The following RNF145 variants were observed in gnomAD, a reference collection of about 807,000 sequenced individuals.
RNF145 encodes ring finger protein 145.
Under a neutral mutation model 57.3 loss-of-function variants are expected in RNF145, and 12 were observed. The ratio of observed to expected loss-of-function variants is 0.21; its 90% CI spans 0.13 to 0.34. The LOEUF (loss-of-function observed/expected upper bound fraction) is 0.34, where lower values mean the gene tolerates loss of function less well. Among genes scored for constraint, RNF145 ranks in the 10% least tolerant of loss-of-function variants. The pLI is 1.00. For synonymous variants in RNF145, 262 were observed against 288.3 expected, an observed-to-expected ratio of 0.91 and a Z score of 0.92; for missense variants, 429 against 799.0, an observed-to-expected ratio of 0.54 and a Z score of 5.58.
At chr5:159,202,013 T>C (rs1785686655) in intron 2 of RNF145, among the ~76,000 whole-genome samples, 1 of 152,222 alleles carries the variant, frequency 6.6e-6, no homozygotes, top group Admixed American at 6.5e-5. Context: ...TTGTTCAAGC[T>C]GAAAATATCT....
At chr5:159,163,853 T>C (rs1784311681) in intron 8 of RNF145, among the ~76,000 whole-genome samples, 1 of 152,220 alleles carries the variant, frequency 6.6e-6, no homozygotes, top group Admixed American at 6.5e-5. Flanking sequence ...ACAAGCACTC[T>C]TACGTCCCAC....
At position 159,203,453 on chromosome 5, in the gene RNF145, A is replaced by T. The variant is rs778982342; in HGVS notation, c.165T>A (p.Ala55=). 3.1e-6 allele frequency: 5 copies of T among 1,612,662 alleles called. No homozygotes were observed. Among genetic ancestry groups the T allele is most frequent in the Non-Finnish European group, 4.2e-6 (5 of 1,178,674 alleles). ...ACTCACCTACATAATGCATATTAAG[A>T]GCCAAATACTTATACTGGAAAAGAG... The part of the protein sequence containing the change: ...NNPLFQYKYL[A]LNMHYVGYIL... The change falls in exon 2 of 11, where the codon GCT becomes GCA. Residue 55 remains alanine (A), a synonymous_variant. Transcript: ENST00000424310.
At chr5:159,172,966 T>C (rs552631005) in intron 6 of RNF145, among the ~76,000 whole-genome samples, 33 of 152,168 alleles carry the variant, frequency 2.2e-4, no homozygotes, top group Non-Finnish European at 4.3e-4. Flanking sequence ...TGTATATTCA[T>C]GTACTAGATT....
intron 3 of RNF145, among the ~76,000 whole-genome samples, chr5:159,191,736 G>A (rs984023257): frequency 1.1e-4 from 17 of 152,032 alleles, no homozygotes; most frequent in Admixed American, 1.0e-3. Flanking sequence ...AGGTTGCAGT[G>A]AGCCGAGATA....
chr5:159,172,091 C>A (rs1784578463), intron 6 of RNF145, among the ~76,000 whole-genome samples: 1 of 152,190 alleles, frequency 6.6e-6, no homozygotes, highest in Non-Finnish European at 1.5e-5. Flanking sequence ...CAGCGGGTAA[C>A]AATCTGGTTT....
intron 8 of RNF145, among the ~76,000 whole-genome samples, chr5:159,168,166 C>T (rs1784445457): frequency 6.6e-6 from 1 of 152,096 alleles, no homozygotes; most frequent in Admixed American, 6.5e-5. Flanking sequence ...TTTCTGGATA[C>T]CTCAATTATC....
At chr5:159,207,821 G>A (rs1785951458) in intron 1 of RNF145, 1 of 1,614,104 alleles carries the variant, frequency 6.2e-7, no homozygotes, top group South Asian at 1.1e-5. Flanking sequence ...CAAAGACAGG[G>A]AGTCTACTCT....
chr5:159,196,501 C>T (rs1208087450), intron 2 of RNF145, among the ~76,000 whole-genome samples: 6 of 152,152 alleles, frequency 3.9e-5, no homozygotes, highest in Non-Finnish European at 7.4e-5. Context: ...ACTTAATTTA[C>T]AAATCTTTAT....
In RNF145 at chr5:159,201,517, G is replaced by A. The variant is rs764640855; in HGVS notation, c.184+1917C>T. 3.3e-5 allele frequency among the ~76,000 whole-genome samples: 5 copies of A among 152,086 alleles called. No homozygotes were observed. In the South Asian group the frequency reaches 1.0e-3, roughly 32 times the overall value. ...ACTATGCCAACGTAAAATGCAATCG[G>A]GAAGAGGAGAAATGAGGCCTCGATA... is the stretch of plus-strand genomic sequence containing the variant. On this transcript the variant is annotated intron_variant, in intron 2 of 10. Coordinates refer to ENST00000424310, the MANE Select transcript of RNF145 (RefSeq NM_001199383.2).
chr5:159,180,963 A>G (rs1189560416), intron 4 of RNF145, among the ~76,000 whole-genome samples: 1 of 151,940 alleles, frequency 6.6e-6, no homozygotes, highest in African/African-American at 2.4e-5. Context: ...GAAGGATAAA[A>G]GACTGCACAT....
intron 5 of RNF145, among the ~76,000 whole-genome samples, chr5:159,176,307 TGAG>T (rs1358300739): frequency 6.6e-6 from 1 of 152,136 alleles, no homozygotes; most frequent in Non-Finnish European, 1.5e-5. Context: ...CAGAACTCTA[TGAG>T]GAAAGCACAG....
intron 3 of RNF145, among the ~76,000 whole-genome samples, chr5:159,183,601 T>G (rs1477051608): frequency 2.0e-5 from 3 of 152,098 alleles, no homozygotes; most frequent in Non-Finnish European, 4.4e-5. Context: ...TAGAACAAAA[T>G]GCATATATAA....
Position 159,159,383 on chromosome 5 carries a change from TA to T in RNF145, c.1627-349del, listed in dbSNP as rs574461982. On this transcript the variant is annotated intron_variant, in intron 10 of 10. Coordinates refer to ENST00000424310, the MANE Select transcript of RNF145 (RefSeq NM_001199383.2). The stretch of plus-strand genomic sequence containing the variant: ...GGTCTCCACTGGTATGACAAGAGTA[TA>T]ATTACAACCTCAGAAAATCTGATGA... 4.1e-4 allele frequency among the ~76,000 whole-genome samples: 62 copies of T among 152,346 alleles called. 2 individuals are homozygous for T. The highest frequency in any genetic ancestry group is 1.3e-3 in the African/African-American group (56 of 41,580).
intron 3 of RNF145, among the ~76,000 whole-genome samples, chr5:159,194,473 G>C (rs1278213353): frequency 6.6e-6 from 1 of 152,092 alleles, no homozygotes; most frequent in African/African-American, 2.4e-5. Context: ...GCCAGTTCAA[G>C]GATATCTTTA....
At chr5:159,195,202 T>C (rs1785416470) in intron 2 of RNF145, among the ~76,000 whole-genome samples, 1 of 152,184 alleles carries the variant, frequency 6.6e-6, no homozygotes, top group African/African-American at 2.4e-5. Context: ...GGCTGCCCCT[T>C]CCATGTGATT....
At chr5:159,205,418 ATAT>A (rs1161173182) in intron 1 of RNF145, among the ~76,000 whole-genome samples, 5 of 152,194 alleles carry the variant, frequency 3.3e-5, no homozygotes, top group African/African-American at 9.6e-5. Flanking sequence ...AAAGCCCATG[ATAT>A]TATTATTTTT....
chr5:159,164,063 C>T (rs969189639), intron 8 of RNF145, among the ~76,000 whole-genome samples: 2 of 152,166 alleles, frequency 1.3e-5, no homozygotes, highest in Non-Finnish European at 2.9e-5. Flanking sequence ...AATCATCTCT[C>T]CTACCTTTAA....
In RNF145 at chr5:159,161,473, G is replaced by A. The variant is rs138109696; in HGVS notation, c.1419C>T (p.Gly473=). 1.5e-5 allele frequency: 25 copies of A among 1,613,914 alleles called. No homozygotes were observed. The highest frequency in any genetic ancestry group is 1.2e-4 in the Admixed American group (7 of 59,992). Residue 473 remains glycine (G), a synonymous_variant, in exon 10 of 11, where the codon GGC becomes GGT. Coordinates refer to ENST00000424310, the MANE Select transcript of RNF145 (RefSeq NM_001199383.2). The part of the protein sequence containing the change: ...FLVALCVVAY[G]VSETIFGEWT... ...ATTCTCCAAAGATGGTCTCTGAGAC[G>A]CCATAGGCCACCACACAGAGGGCCA...
At chr5:159,208,578 C>A (rs1785986167) in intron 1 of RNF145, among the ~76,000 whole-genome samples, 1 of 152,042 alleles carries the variant, frequency 6.6e-6, no homozygotes, top group Non-Finnish European at 1.5e-5. Flanking sequence ...AGCAATGGGC[C>A]CCCCTCGAAA....
Sources: allele counts gnomAD v4.1 joint callset (sites outside exome capture counted in the v4.1 genomes callset), GRCh38; gene constraint gnomAD v4.1.1; transcripts MANE v1.5; gene names NCBI Gene and HGNC (gene_info 2026-07-23, HGNC 2026-07-21).